The following NBEA variants were observed in gnomAD, a reference collection of about 807,000 sequenced individuals.
The protein encoded by NBEA is neurobeachin.
A neutral mutation model predicts 343.4 loss-of-function variants in NBEA; 44 were observed. The observed-to-expected ratio is 0.13, with a 90% CI of 0.10 to 0.16. The LOEUF (loss-of-function observed/expected upper bound fraction) is 0.16, where lower values mean the gene tolerates loss of function less well. Ranked by LOEUF, NBEA falls within the 10% of genes least tolerant of loss-of-function variation. NBEA has a pLI of 1.00. For missense variants in NBEA, 2,555 were observed against 3,631.3 expected (o/e 0.70, Z 7.62); for synonymous variants, 1,175 against 1,238.7 (o/e 0.95, Z 1.08).
At chr13:35,035,608 T>A (rs186818286) in intron 1 of NBEA, among the ~76,000 whole-genome samples, 2 of 152,134 alleles carry the variant, frequency 1.3e-5, no homozygotes, top group African/African-American at 4.8e-5. Flanking sequence ...GAAAGTGAGG[T>A]TTTGAAGTCT....
intron 46 of NBEA, among the ~76,000 whole-genome samples, chr13:35,588,673 C>T (rs1050484732): frequency 2.1e-4 from 32 of 152,114 alleles, no homozygotes; most frequent in African/African-American, 7.2e-4. Context: ...AAACTTATAG[C>T]AGTGTTTGGA....
intron 13 of NBEA, among the ~76,000 whole-genome samples, chr13:35,112,850 C>T (rs2066287456): frequency 6.6e-6 from 1 of 152,010 alleles, no homozygotes; most frequent in Non-Finnish European, 1.5e-5. Flanking sequence ...CCTCTAAATA[C>T]TTTATTGTGT....
chr13:35,033,315 A>G (rs928440857), intron 1 of NBEA, among the ~76,000 whole-genome samples: 3 of 151,874 alleles, frequency 2.0e-5, no homozygotes, highest in African/African-American at 7.2e-5. Context: ...AGTTCACTGT[A>G]GGCATGTGGA....
intron 41 of NBEA, among the ~76,000 whole-genome samples, chr13:35,506,231 A>G (rs73497972): frequency 0.047 from 7,157 of 151,906 alleles, 586 homozygotes; most frequent in African/African-American, 0.16. Context: ...CTCAGCTAAT[A>G]TATATATATT....
At chr13:34,947,065 A>G (rs1363576825) in intron 1 of NBEA, among the ~76,000 whole-genome samples, 3 of 151,992 alleles carry the variant, frequency 2.0e-5, no homozygotes, top group Admixed American at 6.6e-5. Context: ...TTATATTAAA[A>G]TAATTTCCTG....
intron 1 of NBEA, among the ~76,000 whole-genome samples, chr13:35,030,493 T>A (rs2062170211): frequency 6.6e-6 from 1 of 151,656 alleles, no homozygotes; most frequent in South Asian, 2.1e-4. Context: ...GACCTTAGTC[T>A]TGTTGCTTAA....
intron 38 of NBEA, among the ~76,000 whole-genome samples, chr13:35,375,563 T>C (rs1327472579): frequency 6.6e-6 from 1 of 152,182 alleles, no homozygotes; most frequent in Non-Finnish European, 1.5e-5. Flanking sequence ...ACAGATTTTA[T>C]TCTTTACTTC....
chr13:35,181,319 T>G (rs2071302653), intron 28 of NBEA, among the ~76,000 whole-genome samples: 1 of 151,444 alleles, frequency 6.6e-6, no homozygotes, highest in African/African-American at 2.4e-5. Context: ...TCACCCCATC[T>G]GTGCTAATAA....
intron 41 of NBEA, among the ~76,000 whole-genome samples, chr13:35,512,414 A>G (rs1355312158): frequency 2.0e-5 from 3 of 152,236 alleles, no homozygotes; most frequent in African/African-American, 4.8e-5. Context: ...AGTTACCTCA[A>G]GCAATAGATG....
intron 1 of NBEA, among the ~76,000 whole-genome samples, chr13:35,022,935 T>C (rs2061897979): frequency 6.6e-6 from 1 of 152,276 alleles, no homozygotes; most frequent in African/African-American, 2.4e-5. Flanking sequence ...CATATAGCTT[T>C]ATCTAGAAGA....
Position 35,109,434 on chromosome 13 carries a change from C to A in NBEA, c.1825C>A (p.Pro609Thr). 1.2e-6 allele frequency: 2 copies of A among 1,603,768 alleles called. No homozygotes were observed. Among genetic ancestry groups the A allele is most frequent in the Non-Finnish European group, 8.5e-7 (1 of 1,176,418 alleles). ...LFNPAIWIHT[P>T]AKVQLSLYTY... ...TAACCCAGCCATCTGGATACATACA[C>A]CTGCAAAGGTATGAATTTTATACTT... The change falls in exon 12 of 59, where the codon CCT becomes ACT. Residue 609 changes from proline to threonine, a missense_variant. Transcript: ENST00000379939.
chr13:35,286,474 G>C (rs2035432718), intron 34 of NBEA, among the ~76,000 whole-genome samples: 1 of 151,986 alleles, frequency 6.6e-6, no homozygotes, highest in South Asian at 2.1e-4. Flanking sequence ...CTTGTCCCTA[G>C]AACATGTAAT....
At position 35,671,109 on chromosome 13, in the gene NBEA, C is replaced by T; in HGVS notation, c.*118C>T. On this transcript the variant is annotated 3_prime_UTR_variant, in exon 59 of 59. Coordinates refer to ENST00000379939, the MANE Select transcript of NBEA (RefSeq NM_001385012.1). ...CGACCTCCGTTTGTACATTCCATCA[C>T]ACCCAGCAATAGCTGTACATTGTAG... 3.0e-6 allele frequency: 2 copies of T among 674,792 alleles called. No individual in the cohort carries two copies. Among genetic ancestry groups the T allele is most frequent in the Non-Finnish European group, 2.6e-6 (1 of 386,250 alleles). The allele number at this position is 674,792 out of a possible 1,614,324, so 41.8% of individuals were successfully genotyped here. A position where few individuals can be genotyped will look rare whatever the true frequency, so the allele number is the denominator to read the frequency against.
chr13:35,627,234 C>G (rs978361948), intron 48 of NBEA, among the ~76,000 whole-genome samples: 6 of 152,086 alleles, frequency 3.9e-5, no homozygotes, highest in African/African-American at 1.4e-4. Context: ...ATTTACAAAG[C>G]TAGATGTACA....
intron 38 of NBEA, among the ~76,000 whole-genome samples, chr13:35,396,640 G>A (rs1434968328): frequency 3.1e-4 from 47 of 152,122 alleles, no homozygotes; most frequent in Non-Finnish European, 7.4e-5. Context: ...CAAATGCTCA[G>A]AAATGGGTAA....
At chr13:35,474,756 G>A in intron 41 of NBEA, 1 of 291,128 alleles carries the variant, frequency 3.4e-6, no homozygotes, top group Non-Finnish European at 6.4e-6. Flanking sequence ...TGTTCGTCTC[G>A]GTCTGGCGTT....
chr13:35,113,741 C>A (rs1020918065), intron 13 of NBEA, among the ~76,000 whole-genome samples: 3 of 152,084 alleles, frequency 2.0e-5, no homozygotes, highest in African/African-American at 4.8e-5. Flanking sequence ...GCTTACGGAG[C>A]CATAAGGTCT....
chr13:35,278,323 G>A (rs1363812840), intron 34 of NBEA, among the ~76,000 whole-genome samples: 12 of 151,788 alleles, frequency 7.9e-5, no homozygotes. Context: ...TATGAAAGTG[G>A]CTTCATTTTC....
chr13:35,625,383 G>A (rs2083178551), intron 48 of NBEA, among the ~76,000 whole-genome samples: 2 of 152,090 alleles, frequency 1.3e-5, no homozygotes, highest in Admixed American at 6.6e-5. Context: ...TTGGGAGGCC[G>A]AGGCAGGCGG....
Sources: allele counts gnomAD v4.1 joint callset (sites outside exome capture counted in the v4.1 genomes callset), GRCh38; gene constraint gnomAD v4.1.1; transcripts MANE v1.5; gene names NCBI Gene and HGNC (gene_info 2026-07-23, HGNC 2026-07-21).